Variants in WWOX observed in about 807,000 individuals in gnomAD.
WWOX encodes WW domain-containing oxidoreductase.
WWOX carries 69 observed loss-of-function variants against 46.2 expected under a neutral mutation model. The ratio of observed to expected loss-of-function variants is 1.49; its 90% confidence interval spans 1.23 to 1.82. The LOEUF (loss-of-function observed/expected upper bound fraction) is 1.82, where lower values mean the gene tolerates loss of function less well. WWOX is among the 40% of genes most tolerant of loss of function. The pLI, the probability that WWOX is intolerant of heterozygous loss-of-function variation, is 0.00. For synonymous variants in WWOX, 359 were observed against 202.6 expected (o/e 1.77, Z -6.56); for missense variants, 919 against 542.6 (o/e 1.69, Z -6.89).
chr16:78,864,716 A>G (rs1192404944), intron 8 of WWOX, among the ~76,000 whole-genome samples: 1 of 144,408 alleles, frequency 6.9e-6, no homozygotes, highest in East Asian at 2.0e-4. Flanking sequence ...ATCTTTGGTA[A>G]TTAAAAACAG....
At chr16:78,305,834 A>C (rs1019767418) in intron 5 of WWOX, among the ~76,000 whole-genome samples, 1 of 152,184 alleles carries the variant, frequency 6.6e-6, no homozygotes, top group Non-Finnish European at 1.5e-5. Flanking sequence ...CAACATTGCC[A>C]TAACCAGTAG....
intron 8 of WWOX, among the ~76,000 whole-genome samples, chr16:78,889,557 A>G (rs1246409963): frequency 3.3e-5 from 5 of 152,128 alleles, no homozygotes; most frequent in African/African-American, 9.7e-5. Context: ...GCCTGTGTCC[A>G]CTGGTCTCCA....
intron 8 of WWOX, among the ~76,000 whole-genome samples, chr16:78,688,200 G>A (rs2047905481): frequency 2.0e-5 from 3 of 151,818 alleles, no homozygotes; most frequent in Non-Finnish European, 2.9e-5. Context: ...AGATAAAAGT[G>A]ACAAGATGTC....
chr16:79,074,153 C>T (rs1185946235), intron 8 of WWOX, among the ~76,000 whole-genome samples: 1 of 152,050 alleles, frequency 6.6e-6, no homozygotes, highest in Non-Finnish European at 1.5e-5. Context: ...AGAGTTCGAG[C>T]AGGCAACTCC....
At chr16:78,132,852 G>T (rs768727483) in intron 4 of WWOX, among the ~76,000 whole-genome samples, 32 of 152,124 alleles carry the variant, frequency 2.1e-4, no homozygotes, top group South Asian at 8.3e-4. Flanking sequence ...TTTTATAATT[G>T]CCATAATTCT....
At chr16:78,442,813 C>G (rs980172278) in intron 8 of WWOX, among the ~76,000 whole-genome samples, 5 of 151,756 alleles carry the variant, frequency 3.3e-5, no homozygotes, top group Non-Finnish European at 5.9e-5. Context: ...AATTCTGTCT[C>G]TACTAAAAAG....
In WWOX at chr16:78,702,044, T is replaced by TATATATAA. The variant is rs1419045896; in HGVS notation, c.1056+269293_1056+269294insTATATAAA. The stretch of plus-strand genomic sequence containing the variant: ...ATATATATATATATATATATATATA[T>TATATATAA]AAAATAATGCAGAAGTTTTATATAT... On this transcript the variant is annotated intron_variant, in intron 8 of 8. Coordinates refer to ENST00000566780, the MANE Select transcript of WWOX (RefSeq NM_016373.4). 2.4e-4 allele frequency among the ~76,000 whole-genome samples: 26 copies of TATATATAA among 109,976 alleles called. 1 individual carries two copies. The highest frequency in any genetic ancestry group is 7.7e-4 in the African/African-American group (20 of 26,072). 72.1% of individuals were successfully genotyped at this position (109,976 alleles called of 152,430 possible). A position where few individuals can be genotyped will look rare whatever the true frequency, so the allele number is the denominator to read the frequency against.
rs548386910 is a variant in WWOX, at chr16:79,073,792, A to ATAAGTTGAGAGC, written c.1057-137814_1057-137803dup. Among the ~76,000 whole-genome samples, 21 of 152,300 alleles carry ATAAGTTGAGAGC rather than the reference A, an allele frequency of 1.4e-4. No homozygotes were observed. The South Asian group carries it at 4.3e-3, about 32-fold the overall frequency. ...GGGTTTATAACTGATCCACTGAGAGATAAGTTGAGAGCTTGAGAGTCAACC... is the reference window on the plus strand; with the variant it reads ...GGGTTTATAACTGATCCACTGAGAGATAAGTTGAGAGCTAAGTTGAGAGCTTGAGAGTCAACC... On this transcript the variant is annotated intron_variant, in intron 8 of 8. Coordinates refer to ENST00000566780, the MANE Select transcript of WWOX (RefSeq NM_016373.4).
Position 78,573,487 on chromosome 16 carries a change from C to G in WWOX, c.1056+140735C>G, listed in dbSNP as rs559308266. 7.9e-5 allele frequency among the ~76,000 whole-genome samples: 12 copies of G among 152,300 alleles called. No individual in the cohort carries two copies. In the East Asian group the frequency reaches 2.3e-3, roughly 29 times the overall value. On this transcript the variant is annotated intron_variant, in intron 8 of 8. Coordinates refer to ENST00000566780, the MANE Select transcript of WWOX (RefSeq NM_016373.4). ...CCATACTCCATTCCATTCTATATGT[C>G]AGATGCATCTTCCTAAAACACACCT...
At chr16:79,206,243 G>C (rs1235809847) in intron 8 of WWOX, 1 of 152,258 alleles carries the variant, frequency 6.6e-6, no homozygotes, top group Non-Finnish European at 1.5e-5. Context: ...CTGAGAAGGC[G>C]GCAGAGCAGG....
intron 8 of WWOX, among the ~76,000 whole-genome samples, chr16:78,486,542 G>A (rs2084642004): frequency 1.4e-5 from 2 of 145,648 alleles, no homozygotes; most frequent in Admixed American, 6.7e-5. Context: ...ACTACTGGGT[G>A]TGTTTAATTG....
intron 5 of WWOX, among the ~76,000 whole-genome samples, chr16:78,190,597 G>A (rs1486190438): frequency 6.6e-6 from 1 of 152,092 alleles, no homozygotes; most frequent in Admixed American, 6.6e-5. Flanking sequence ...AGGGTGAGTT[G>A]GGCCCCAGGT....
chr16:79,053,994 G>GAAAA (rs35728336), intron 8 of WWOX, among the ~76,000 whole-genome samples: 1 of 149,768 alleles, frequency 6.7e-6, no homozygotes, highest in Non-Finnish European at 1.5e-5. Flanking sequence ...AGGAGAGAGG[G>GAAAA]AAAAAAAAAA....
intron 8 of WWOX, among the ~76,000 whole-genome samples, chr16:79,067,956 A>G (rs2048473183): frequency 6.6e-6 from 1 of 152,140 alleles, no homozygotes; most frequent in Non-Finnish European, 1.5e-5. Flanking sequence ...TCAGCCAATA[A>G]ATAATTAGTT....
Position 78,859,107 on chromosome 16 carries a change from T to C in WWOX, c.1057-352501T>C, listed in dbSNP as rs1185807108. On this transcript the variant is annotated intron_variant, in intron 8 of 8. Coordinates refer to ENST00000566780, the MANE Select transcript of WWOX (RefSeq NM_016373.4). Reference sequence around the variant, plus strand: ...GGACAAACGATTTCAGTTGCACAACTATAATCGATGAAGTGGCTCCTTGAT... The same window carrying C: ...GGACAAACGATTTCAGTTGCACAACCATAATCGATGAAGTGGCTCCTTGAT... Among the ~76,000 whole-genome samples the C allele has an allele frequency of 2.1e-5, 3 of 140,140 alleles. No individual in the cohort carries two copies. The East Asian group carries it at 6.7e-4, about 31-fold the overall frequency. The allele number at this position is 140,140 out of a possible 152,430, so 91.9% of individuals were successfully genotyped here. A position where few individuals can be genotyped will look rare whatever the true frequency, so the allele number is the denominator to read the frequency against.
intron 8 of WWOX, among the ~76,000 whole-genome samples, chr16:78,979,369 T>C (rs1198174376): frequency 1.3e-5 from 2 of 152,164 alleles, no homozygotes; most frequent in Admixed American, 6.5e-5. Context: ...TGAAAACTGC[T>C]TCTGTTATTA....
chr16:78,731,115 T>G (rs191903074), intron 8 of WWOX, among the ~76,000 whole-genome samples: 9 of 152,324 alleles, frequency 5.9e-5, no homozygotes, highest in Non-Finnish European at 1.2e-4. Context: ...TTTTGTTTTT[T>G]GAGTGAATCT....
chr16:78,606,718 G>T (rs1182328800), intron 8 of WWOX, among the ~76,000 whole-genome samples: 6 of 121,066 alleles, frequency 5.0e-5, no homozygotes, highest in East Asian at 2.4e-4. Flanking sequence ...CAGAATTGCA[G>T]TTTTTTTTTT....
At chr16:78,280,200 C>T (rs1278685094) in intron 5 of WWOX, among the ~76,000 whole-genome samples, 2 of 152,176 alleles carry the variant, frequency 1.3e-5, no homozygotes, top group Non-Finnish European at 2.9e-5. Flanking sequence ...GTTTTTCTCC[C>T]CCACTTTTAA....
Sources: allele counts gnomAD v4.1 joint callset (sites outside exome capture counted in the v4.1 genomes callset), GRCh38; gene constraint gnomAD v4.1.1; transcripts MANE v1.5; gene names NCBI Gene and HGNC (gene_info 2026-07-23, HGNC 2026-07-21).